Variants in PRKCA observed in about 807,000 individuals in gnomAD.
PRKCA encodes the protein protein kinase C alpha type.
In PRKCA, 27 loss-of-function variants were observed where a neutral mutation model predicts 87.0. That is an observed-to-expected ratio of 0.31 (90% confidence interval 0.23 to 0.43). PRKCA has a LOEUF of 0.43. Among genes scored for constraint, PRKCA ranks in the 20% least tolerant of loss-of-function variants. PRKCA has a pLI of 1.00. For missense variants in PRKCA, 518 were observed against 852.3 expected (o/e 0.61, Z 4.88); for synonymous variants, 329 against 311.1 (o/e 1.06, Z -0.61).
intron 13 of PRKCA, among the ~76,000 whole-genome samples, chr17:66,767,879 T>A (rs1203032225): frequency 2.6e-5 from 4 of 152,214 alleles, no homozygotes; most frequent in Non-Finnish European, 5.9e-5. Context: ...TATCTGATGC[T>A]GAAGGTTTGC....
intron 3 of PRKCA, among the ~76,000 whole-genome samples, chr17:66,578,996 C>T (rs1320478897): frequency 6.6e-6 from 1 of 152,238 alleles, no homozygotes; most frequent in African/African-American, 2.4e-5. Context: ...CAAGAGGCTA[C>T]TTGTGCTTCT....
At position 66,759,527 on chromosome 17, in the gene PRKCA, CAA is replaced by C. The variant is rs60704420; in HGVS notation, c.1525-14448_1525-14447del. On this transcript the variant is annotated intron_variant, in intron 13 of 16. Coordinates refer to ENST00000413366, the MANE Select transcript of PRKCA (RefSeq NM_002737.3). Reference sequence around the variant, plus strand: ...CAAGAGGCAGAAAAAGAGTGGGAGACAAAAAAAAAAAAATGGACAAGGGCCAC... The same window carrying C: ...CAAGAGGCAGAAAAAGAGTGGGAGACAAAAAAAAAAATGGACAAGGGCCAC... Among the ~76,000 whole-genome samples, 430 of 110,454 alleles carry C rather than the reference CAA, an allele frequency of 3.9e-3. 3 individuals are homozygous for C. The East Asian group carries it at 0.074, about 19-fold the overall frequency. The allele number at this position is 110,454 out of a possible 152,430, so 72.5% of individuals were successfully genotyped here.
At chr17:66,667,575 T>A (rs1480280503) in intron 5 of PRKCA, among the ~76,000 whole-genome samples, 2 of 152,100 alleles carry the variant, frequency 1.3e-5, no homozygotes, top group Non-Finnish European at 2.9e-5. Flanking sequence ...ACCAGGTCCC[T>A]CCCACAACAC....
At chr17:66,459,361 A>G (rs932736001) in intron 2 of PRKCA, among the ~76,000 whole-genome samples, 3 of 152,208 alleles carry the variant, frequency 2.0e-5, no homozygotes, top group Non-Finnish European at 4.4e-5. Flanking sequence ...AGCCTGGATG[A>G]CGGAACTACG....
chr17:66,584,848 T>A (rs1454191549), intron 3 of PRKCA, among the ~76,000 whole-genome samples: 2 of 152,148 alleles, frequency 1.3e-5, no homozygotes, highest in African/African-American at 2.4e-5. Context: ...TAATTACACC[T>A]GCAAAAACCT....
intron 1 of PRKCA, among the ~76,000 whole-genome samples, chr17:66,305,801 TAC>T (rs1459563120): frequency 6.6e-6 from 1 of 152,214 alleles, no homozygotes; most frequent in African/African-American, 2.4e-5. Flanking sequence ...AGTTTGAATA[TAC>T]AGTCATGTTC....
intron 16 of PRKCA, among the ~76,000 whole-genome samples, chr17:66,801,643 T>C (rs1975901426): frequency 6.6e-6 from 1 of 152,228 alleles, no homozygotes; most frequent in Admixed American, 6.5e-5. Flanking sequence ...AGATTCTGCC[T>C]CTGCTGACCT....
chr17:66,386,030 G>A (rs1049546015), intron 2 of PRKCA, among the ~76,000 whole-genome samples: 1 of 151,704 alleles, frequency 6.6e-6, no homozygotes, highest in African/African-American at 2.4e-5. Context: ...AAAGTGCTGG[G>A]ATTACAGGTG....
At chr17:66,755,221 G>A (rs570060992) in intron 13 of PRKCA, among the ~76,000 whole-genome samples, 24 of 152,270 alleles carry the variant, frequency 1.6e-4, no homozygotes, top group African/African-American at 4.1e-4. Context: ...TCTGAGGATC[G>A]CAGAAAATCG....
At chr17:66,648,412 T>C (rs1369221142) in intron 5 of PRKCA, among the ~76,000 whole-genome samples, 1 of 152,228 alleles carries the variant, frequency 6.6e-6, no homozygotes, top group Non-Finnish European at 1.5e-5. Flanking sequence ...AGAAGTTGAC[T>C]TTATTATCCT....
At chr17:66,700,503 A>G (rs1373495500) in intron 8 of PRKCA, among the ~76,000 whole-genome samples, 1 of 152,216 alleles carries the variant, frequency 6.6e-6, no homozygotes, top group African/African-American at 2.4e-5. Context: ...AGGAAGAAGT[A>G]AAATAGTCTC....
At chr17:66,776,930 A>G (rs1333265542) in intron 14 of PRKCA, among the ~76,000 whole-genome samples, 1 of 152,196 alleles carries the variant, frequency 6.6e-6, no homozygotes, top group Non-Finnish European at 1.5e-5. Flanking sequence ...ATGTCCTAGA[A>G]GGTGGTGTAC....
chr17:66,359,346 A>G (rs1440632307), intron 2 of PRKCA, among the ~76,000 whole-genome samples: 1 of 152,192 alleles, frequency 6.6e-6, no homozygotes, highest in East Asian at 1.9e-4. Flanking sequence ...TGATTTTGCA[A>G]TCTGCTGCCG....
At chr17:66,423,466 A>G (rs141602667) in intron 2 of PRKCA, among the ~76,000 whole-genome samples, 1 of 152,346 alleles carries the variant, frequency 6.6e-6, no homozygotes, top group East Asian at 1.9e-4. Context: ...TACTAACAAT[A>G]GTTTGGAATG....
chr17:66,594,502 C>A (rs1034235378), intron 3 of PRKCA, among the ~76,000 whole-genome samples: 3 of 152,082 alleles, frequency 2.0e-5, no homozygotes, highest in Non-Finnish European at 4.4e-5. Context: ...ATGATGACTT[C>A]AATGAAGGGC....
chr17:66,610,552 G>A (rs1348460311), intron 3 of PRKCA, among the ~76,000 whole-genome samples: 2 of 152,148 alleles, frequency 1.3e-5, no homozygotes, highest in Non-Finnish European at 2.9e-5. Flanking sequence ...CATCACCCAG[G>A]AAATTCCAAG....
At chr17:66,464,272 A>G (rs2143982509) in intron 2 of PRKCA, among the ~76,000 whole-genome samples, 1 of 152,232 alleles carries the variant, frequency 6.6e-6, no homozygotes, top group Non-Finnish European at 1.5e-5. Flanking sequence ...TTATCCATTC[A>G]CCTACTGAAG....
At chr17:66,374,467 T>C (rs1470666649) in intron 2 of PRKCA, among the ~76,000 whole-genome samples, 1 of 152,188 alleles carries the variant, frequency 6.6e-6, no homozygotes, top group African/African-American at 2.4e-5. Flanking sequence ...CAGGGCCTCA[T>C]GCTGGCGTCA....
intron 2 of PRKCA, among the ~76,000 whole-genome samples, chr17:66,495,525 G>GTTATTTTATTTTATTTTATTT (rs548468006): frequency 1.5e-5 from 2 of 137,262 alleles, no homozygotes; most frequent in African/African-American, 2.9e-5. Flanking sequence ...ATGGTGCAAA[G>GTTATTTTATTTTATTTTATTT]TATTTTATTT....
Sources: allele counts gnomAD v4.1 joint callset (sites outside exome capture counted in the v4.1 genomes callset), GRCh38; gene constraint gnomAD v4.1.1; transcripts MANE v1.5; gene names NCBI Gene and HGNC (gene_info 2026-07-23, HGNC 2026-07-21).